The following GRM3 variants were observed in gnomAD, a reference collection of about 807,000 sequenced individuals.
The protein encoded by GRM3 is glutamate metabotropic receptor 3.
In GRM3, 26 loss-of-function variants were observed where a neutral mutation model predicts 70.5. The observed-to-expected ratio is 0.37, with a 90% CI of 0.27 to 0.51. The LOEUF (loss-of-function observed/expected upper bound fraction) is 0.51, where lower values mean the gene tolerates loss of function less well. GRM3 is among the 20% of genes least tolerant of loss of function. The probability of loss-of-function intolerance (pLI) is 0.93; values close to 1 mark genes in which losing one functional copy is unlikely to be tolerated. For synonymous variants in GRM3, 443 were observed against 434.9 expected, an observed-to-expected ratio of 1.02 and a Z score of -0.23; for missense variants, 859 against 1,123.8, an observed-to-expected ratio of 0.76 and a Z score of 3.37.
chr7:86,686,980 G>T (rs1794583165), intron 1 of GRM3, among the ~76,000 whole-genome samples: 1 of 151,734 alleles, frequency 6.6e-6, no homozygotes, highest in Non-Finnish European at 1.5e-5. Flanking sequence ...TTAGTAGATG[G>T]GTTTAATAAC....
intron 4 of GRM3, among the ~76,000 whole-genome samples, chr7:86,842,623 G>A (rs1034330847): frequency 6.6e-6 from 1 of 152,108 alleles, no homozygotes; most frequent in Non-Finnish European, 1.5e-5. Context: ...AATAATTTAA[G>A]AGCAGCTGAA....
At chr7:86,754,412 T>C (rs889118473) in intron 1 of GRM3, among the ~76,000 whole-genome samples, 3 of 152,090 alleles carry the variant, frequency 2.0e-5, no homozygotes, top group African/African-American at 7.2e-5. Flanking sequence ...GATGACTTGA[T>C]TGTGGTAAGA....
In GRM3 at chr7:86,786,695, C is replaced by T. The variant is rs1797257601; in HGVS notation, c.903C>T (p.Asp301=). ...ANASFTWVAS[D]GWGAQESIIK... ...CCTCCTTCACCTGGGTGGCCAGCGA[C>T]GGCTGGGGCGCGCAGGAGAGCATCA... The change falls in exon 3 of 6, where the codon GAC becomes GAT. Residue 301 remains aspartate, a synonymous_variant. Transcript: ENST00000361669. This position sits in a 1 kb window ranked among gnomAD's most constrained non-coding sequence, Gnocchi z 6.0. 1 of 1,612,360 alleles carries T rather than the reference C, an allele frequency of 6.2e-7. No individual in the cohort carries two copies. The highest frequency in any genetic ancestry group is 8.5e-7 in the Non-Finnish European group (1 of 1,179,956).
intron 2 of GRM3, among the ~76,000 whole-genome samples, chr7:86,776,710 G>A (rs1033533040): frequency 6.6e-6 from 1 of 152,120 alleles, no homozygotes; most frequent in Non-Finnish European, 1.5e-5. Flanking sequence ...AGCTCAACTT[G>A]TGGCTCTGTT....
chr7:86,644,705 GA>G lies in GRM3; in HGVS notation c.-307del, dbSNP rs529237073. 6.4e-3 allele frequency: 6,401 copies of G among 1,003,776 alleles called. 63 individuals carry two copies. The highest frequency in any genetic ancestry group is 0.025 in the South Asian group (1,916 of 75,454). 62.2% of individuals were successfully genotyped at this position (1,003,776 alleles called of 1,614,324 possible). ...GCTGCGCGCACAAGTTGGCCATTTC[GA>G]GGGCAAAATAAGTTCTCCCTTGGAT... is the stretch of plus-strand genomic sequence containing the variant. On this transcript the variant is annotated 5_prime_UTR_variant, in exon 1 of 6. It introduces an in-frame stop codon into an upstream open reading frame of the 5' UTR. Coordinates refer to ENST00000361669, the MANE Select transcript of GRM3 (RefSeq NM_000840.3).
intron 1 of GRM3, among the ~76,000 whole-genome samples, chr7:86,740,567 A>C (rs1795962769): frequency 6.6e-6 from 1 of 152,250 alleles, no homozygotes. Context: ...ACCTAATTTC[A>C]GGATAATGTA....
At chr7:86,721,726 A>G (rs1795468664) in intron 1 of GRM3, among the ~76,000 whole-genome samples, 1 of 152,100 alleles carries the variant, frequency 6.6e-6, no homozygotes, top group Admixed American at 6.6e-5. Flanking sequence ...TCTCTATTAA[A>G]ATGTATTTGT....
intron 2 of GRM3, among the ~76,000 whole-genome samples, chr7:86,767,514 C>CAT (rs3057233): frequency 0.014 from 1,374 of 99,590 alleles, 12 homozygotes; most frequent in East Asian, 0.034. Context: ...GGTCATACTT[C>CAT]ATATATATAT....
chr7:86,723,130 T>G (rs1795511179), intron 1 of GRM3, among the ~76,000 whole-genome samples: 1 of 152,076 alleles, frequency 6.6e-6, no homozygotes, highest in Non-Finnish European at 1.5e-5. Flanking sequence ...AGAAACTGTA[T>G]TTCCTGAATG....
At chr7:86,672,302 CCA>C (rs1794190978) in intron 1 of GRM3, among the ~76,000 whole-genome samples, 1 of 152,084 alleles carries the variant, frequency 6.6e-6, no homozygotes, top group Non-Finnish European at 1.5e-5. Flanking sequence ...ATCCTCTATT[CCA>C]CAGATACTGC....
At chr7:86,739,503 C>G (rs1440274620) in intron 1 of GRM3, among the ~76,000 whole-genome samples, 2 of 152,184 alleles carry the variant, frequency 1.3e-5, no homozygotes, top group African/African-American at 4.8e-5. Context: ...GAATTACCTA[C>G]GTAGAACGGC....
chr7:86,848,393 T>C (rs1184154624), intron 4 of GRM3, among the ~76,000 whole-genome samples: 1 of 152,150 alleles, frequency 6.6e-6, no homozygotes. Context: ...GGACAGTTCT[T>C]TGTGGCTAGA....
At chr7:86,860,971 AT>A (rs1239728120) in intron 5 of GRM3, among the ~76,000 whole-genome samples, 1 of 152,206 alleles carries the variant, frequency 6.6e-6, no homozygotes, top group African/African-American at 2.4e-5. Flanking sequence ...TCCTAGACTT[AT>A]CCCTGTGACA....
intron 3 of GRM3, 123 bp downstream of exon 3, chr7:86,787,239 T>A: frequency 1.3e-6 from 1 of 781,634 alleles, no homozygotes; most frequent in Non-Finnish European, 2.1e-6. Flanking sequence ...TTCAAACTGT[T>A]AACCAAATAT....
intron 2 of GRM3, among the ~76,000 whole-genome samples, chr7:86,781,683 A>G (rs1406082641): frequency 6.6e-6 from 1 of 152,126 alleles, no homozygotes; most frequent in Non-Finnish European, 1.5e-5. Context: ...GGTTTAGATC[A>G]TCTTCACAGT....
intron 1 of GRM3, among the ~76,000 whole-genome samples, chr7:86,681,957 A>G (rs1349373435): frequency 6.6e-6 from 1 of 152,208 alleles, no homozygotes; most frequent in Non-Finnish European, 1.5e-5. Context: ...TGACAAAGCA[A>G]GCTTCGTAGA....
intron 1 of GRM3, among the ~76,000 whole-genome samples, chr7:86,758,997 T>C (rs960124481): frequency 4.6e-5 from 7 of 152,120 alleles, no homozygotes; most frequent in African/African-American, 1.7e-4. Context: ...TGATTTGACC[T>C]AATGTTTTTG....
chr7:86,862,577 T>C (rs985789775), intron 5 of GRM3, among the ~76,000 whole-genome samples: 1 of 152,112 alleles, frequency 6.6e-6, no homozygotes, highest in Non-Finnish European at 1.5e-5. Flanking sequence ...AAATTGAACC[T>C]GATCCTAATA....
chr7:86,728,329 G>C (rs895556707), intron 1 of GRM3, among the ~76,000 whole-genome samples: 10 of 152,142 alleles, frequency 6.6e-5, no homozygotes, highest in Admixed American at 3.3e-4. Context: ...TAGCAGAGGG[G>C]CCTATCCCAT....
Sources: gnomAD v4.1 joint callset for allele counts (sites outside exome capture counted in the v4.1 genomes callset) on GRCh38, gnomAD v4.1.1 for gene constraint, Gnocchi (gnomAD v3.1) non-coding constraint, MANE v1.5 for transcripts, NCBI Gene and HGNC (gene_info 2026-07-23, HGNC 2026-07-21) for gene names.